MAGI2: variants seen among roughly 807,000 people sequenced by gnomAD.
MAGI2 encodes membrane associated guanylate kinase, WW and PDZ domain containing 2.
Under a neutral mutation model 133.3 loss-of-function variants are expected in MAGI2, and 35 were observed. The ratio of observed to expected loss-of-function variants is 0.26; its 90% CI spans 0.20 to 0.35. The LOEUF is 0.35. Ranked by LOEUF, MAGI2 falls within the 10% of genes least tolerant of loss-of-function variation. MAGI2 has a pLI of 1.00. For synonymous variants in MAGI2, 729 were observed against 710.6 expected, an observed-to-expected ratio of 1.03 and a Z score of -0.41; for missense variants, 1,636 against 1,863.4, an observed-to-expected ratio of 0.88 and a Z score of 2.25.
At chr7:79,230,145 C>T (rs1368707723) in intron 1 of MAGI2, among the ~76,000 whole-genome samples, 29 of 151,608 alleles carry the variant, frequency 1.9e-4, no homozygotes, top group East Asian at 1.4e-3. Flanking sequence ...GGCTGCATAG[C>T]ATTCCATGGT....
chr7:78,808,520 T>C lies in MAGI2; in HGVS notation c.419-181281A>G, dbSNP rs552470555. On this transcript the variant is annotated intron_variant, in intron 2 of 21. Transcript: ENST00000354212. The stretch of plus-strand genomic sequence containing the variant: ...ATCCGCCCGCCTCGGCCTCCCAGCA[T>C]GCTGGGATTACAGGCGTGAGCCACT... Among the ~76,000 whole-genome samples the C allele has an allele frequency of 3.9e-5, 6 of 152,360 alleles. No homozygotes were observed. The South Asian group carries it at 1.2e-3, about 32-fold the overall frequency.
intron 17 of MAGI2, chr7:78,134,787 T>A (rs772916199): frequency 3.4e-5 from 15 of 436,004 alleles, no homozygotes; most frequent in Middle Eastern, 6.0e-4. Flanking sequence ...CTATTTAGCC[T>A]GCAATGTCAC....
intron 2 of MAGI2, among the ~76,000 whole-genome samples, chr7:78,931,315 C>A (rs1260884349): frequency 6.6e-6 from 1 of 151,984 alleles, no homozygotes; most frequent in African/African-American, 2.4e-5. Context: ...GTCGACATTA[C>A]CACTGTACAT....
At position 78,795,792 on chromosome 7, in the gene MAGI2, C is replaced by T. The variant is rs190539735; in HGVS notation, c.419-168553G>A. On this transcript the variant is annotated intron_variant, in intron 2 of 21. Coordinates refer to ENST00000354212, the MANE Select transcript of MAGI2 (RefSeq NM_012301.4). Reference sequence around the variant, plus strand: ...GGCATGGTACCGGCATAAAAACAGACATATAGACCAATGGAACAGAATAGA... The same window carrying T: ...GGCATGGTACCGGCATAAAAACAGATATATAGACCAATGGAACAGAATAGA... Among the ~76,000 whole-genome samples, 13 of 152,146 alleles carry T rather than the reference C, an allele frequency of 8.5e-5. No homozygotes were observed. The East Asian group carries it at 2.3e-3, about 27-fold the overall frequency.
chr7:78,559,957 C>G lies in MAGI2; in HGVS notation c.539-38312G>C, dbSNP rs1030020913. On this transcript the variant is annotated intron_variant, in intron 3 of 21. Transcript: ENST00000354212. ...AGAAAAGAATAAGAAAAAATAGGGA[C>G]TAAAGTAGAGAAAGAATAAATAAAG... Among the ~76,000 whole-genome samples, 4 of 152,002 alleles carry G rather than the reference C, an allele frequency of 2.6e-5. 1 individual carries two copies. The highest frequency in any genetic ancestry group is 4.2e-4 in the South Asian group (2 of 4,810).
At position 78,343,913 on chromosome 7, in the gene MAGI2, G is replaced by A. The variant is rs745458531; in HGVS notation, c.1273C>T (p.Leu425Phe). 6.2e-7 allele frequency: 1 copy of A among 1,612,354 alleles called. No individual in the cohort carries two copies. Among genetic ancestry groups the A allele is most frequent in the Non-Finnish European group, 8.5e-7 (1 of 1,179,446 alleles). ...TTGCTCTTTTTTAGGGTGGTGCTGA[G>A]GAATGTTCCCTTCAACTGGGATGCA... is the stretch of plus-strand genomic sequence containing the variant. ...RDASQLKGTF[L>F]STTLKKSNMG... Residue 425 changes from leucine to phenylalanine, a missense_variant, in exon 9 of 22, where the codon CTC becomes TTC. This residue lies in a region of MAGI2 where 920 missense variants were observed against 1,093.5 expected (regional missense o/e 0.84). Transcript: ENST00000354212.
intron 2 of MAGI2, among the ~76,000 whole-genome samples, chr7:78,703,701 A>C (rs1191143024): frequency 6.6e-6 from 1 of 152,024 alleles, no homozygotes; most frequent in Non-Finnish European, 1.5e-5. Flanking sequence ...TTTTAAAAGT[A>C]ATTTATCACT....
At chr7:78,912,026 T>C (rs1018242637) in intron 2 of MAGI2, among the ~76,000 whole-genome samples, 2 of 152,174 alleles carry the variant, frequency 1.3e-5, no homozygotes, top group Non-Finnish European at 2.9e-5. Flanking sequence ...AACCAAAAAT[T>C]ATATTTTTAA....
intron 1 of MAGI2, among the ~76,000 whole-genome samples, chr7:79,148,266 A>C (rs1013186030): frequency 2.6e-5 from 4 of 152,096 alleles, no homozygotes; most frequent in Non-Finnish European, 5.9e-5. Flanking sequence ...CCTTGTTAGG[A>C]TGCTTTGCTT....
At chr7:79,360,690 C>A (rs1441775966) in intron 1 of MAGI2, among the ~76,000 whole-genome samples, 1 of 151,882 alleles carries the variant, frequency 6.6e-6, no homozygotes, top group East Asian at 1.9e-4. Context: ...AGAGCAGCCA[C>A]CCAAAAACTA....
intron 2 of MAGI2, among the ~76,000 whole-genome samples, chr7:78,975,637 C>T (rs1296860956): frequency 1.3e-5 from 2 of 151,366 alleles, no homozygotes; most frequent in Non-Finnish European, 3.0e-5. Flanking sequence ...TTAAGCCTAT[C>T]CCAAGAGGAA....
At chr7:79,304,890 T>C (rs917986368) in intron 1 of MAGI2, among the ~76,000 whole-genome samples, 3 of 152,170 alleles carry the variant, frequency 2.0e-5, no homozygotes, top group African/African-American at 7.2e-5. Context: ...AGGGAATGTT[T>C]AATGGTGTCA....
intron 7 of MAGI2, among the ~76,000 whole-genome samples, chr7:78,356,829 A>G (rs1209387634): frequency 1.3e-5 from 2 of 152,082 alleles, no homozygotes; most frequent in East Asian, 3.9e-4. Flanking sequence ...CCTCAATCTC[A>G]CTGAGATTCA....
chr7:78,201,131 T>C, intron 11 of MAGI2, 31 bp downstream of exon 11: 2 of 1,423,070 alleles, frequency 1.4e-6, no homozygotes, highest in Non-Finnish European at 1.9e-6. Flanking sequence ...TAAGTAGAAA[T>C]AAAGAAAGAA....
At chr7:78,789,989 T>C (rs1416376443) in intron 2 of MAGI2, among the ~76,000 whole-genome samples, 1 of 152,188 alleles carries the variant, frequency 6.6e-6, no homozygotes, top group African/African-American at 2.4e-5. Context: ...TACTTAAGCA[T>C]ATAAGTTCTG....
At chr7:78,455,224 A>T (rs1192139468) in intron 6 of MAGI2, among the ~76,000 whole-genome samples, 1 of 152,230 alleles carries the variant, frequency 6.6e-6, no homozygotes, top group Non-Finnish European at 1.5e-5. Flanking sequence ...TTCTATAAAC[A>T]TAAAGCTGTT....
At chr7:79,136,003 G>GAAAGAAAGAGAGAGAA (rs749343638) in intron 1 of MAGI2, among the ~76,000 whole-genome samples, 4 of 40,890 alleles carry the variant, frequency 9.8e-5, no homozygotes, top group African/African-American at 1.8e-4. Context: ...AAGAAAGAAA[G>GAAAGAAAGAGAGAGAA]AGAAAGAAAG....
At chr7:79,375,230 A>G (rs188988580) in intron 1 of MAGI2, among the ~76,000 whole-genome samples, 18 of 152,150 alleles carry the variant, frequency 1.2e-4, no homozygotes, top group African/African-American at 4.3e-4. Context: ...TTCTGTATGA[A>G]AAAAGGAACT....
At chr7:78,664,256 C>T (rs1813295507) in intron 2 of MAGI2, among the ~76,000 whole-genome samples, 2 of 152,150 alleles carry the variant, frequency 1.3e-5, no homozygotes, top group African/African-American at 2.4e-5. Context: ...CTCCTTTCAC[C>T]AGTAGTTATC....
Sources: allele counts gnomAD v4.1 joint callset (sites outside exome capture counted in the v4.1 genomes callset), GRCh38; gene constraint gnomAD v4.1.1; regional missense constraint gnomAD v4.1.1; transcripts MANE v1.5; gene names NCBI Gene and HGNC (gene_info 2026-07-23, HGNC 2026-07-21).